The following ASAP1 variants were observed in gnomAD, a reference collection of about 807,000 sequenced individuals.
The protein encoded by ASAP1 is ArfGAP with SH3 domain, ankyrin repeat and PH domain 1, also known as arf-GAP with SH3 domain, ANK repeat and PH domain-containing protein 1.
ASAP1 carries 43 observed loss-of-function variants against 145.2 expected under a neutral mutation model. The observed-to-expected ratio is 0.30, with a 90% confidence interval of 0.23 to 0.38. The LOEUF is 0.38. Ranked by LOEUF, ASAP1 falls within the 10% of genes least tolerant of loss-of-function variation. The pLI, the probability that ASAP1 is intolerant of heterozygous loss-of-function variation, is 1.00. For synonymous variants in ASAP1, 546 were observed against 515.5 expected (o/e 1.06, Z -0.80); for missense variants, 1,018 against 1,355.3 (o/e 0.75, Z 3.91).
At chr8:130,232,637 C>A (rs1269645257) in intron 4 of ASAP1, among the ~76,000 whole-genome samples, 1 of 150,216 alleles carries the variant, frequency 6.7e-6, no homozygotes, top group African/African-American at 2.4e-5. Flanking sequence ...AAAAAAAAAC[C>A]AAAAAACCCT....
chr8:130,309,820 G>A (rs1187202207), intron 3 of ASAP1, among the ~76,000 whole-genome samples: 2 of 152,144 alleles, frequency 1.3e-5, no homozygotes, highest in Non-Finnish European at 2.9e-5. Context: ...ACTGCCAGGT[G>A]AACTCCCAAC....
At chr8:130,443,241 C>G (rs1830554406) in intron 1 of ASAP1, among the ~76,000 whole-genome samples, 1 of 151,940 alleles carries the variant, frequency 6.6e-6, no homozygotes, top group Non-Finnish European at 1.5e-5. Context: ...CGGCCTCGCC[C>G]GGCCCCGCAG....
At chr8:130,367,748 G>A (rs1458021762) in intron 2 of ASAP1, among the ~76,000 whole-genome samples, 2 of 152,182 alleles carry the variant, frequency 1.3e-5, no homozygotes, top group Non-Finnish European at 2.9e-5. Flanking sequence ...AAAACGCTAA[G>A]AACTGTCTGG....
chr8:130,422,445 G>A (rs1829758171), intron 1 of ASAP1, among the ~76,000 whole-genome samples: 2 of 152,128 alleles, frequency 1.3e-5, no homozygotes, highest in Middle Eastern at 3.2e-3. Flanking sequence ...GATCACCCAC[G>A]CTTCCTGGCT....
intron 6 of ASAP1, 21 bp downstream of exon 6, chr8:130,188,088 A>T (rs1422454119): frequency 1.3e-6 from 2 of 1,576,852 alleles, no homozygotes; most frequent in Non-Finnish European, 1.7e-6. Flanking sequence ...TAAAGTGAAA[A>T]TCAAATTTCT....
At chr8:130,209,795 C>T (rs112274083) in intron 5 of ASAP1, among the ~76,000 whole-genome samples, 3,057 of 151,058 alleles carry the variant, frequency 0.02, 99 homozygotes, top group African/African-American at 0.069. Context: ...AGTGGAACAC[C>T]TTTTTTTTTG....
chr8:130,341,038 TTAAA>T, intron 3 of ASAP1: 1 of 397,624 alleles, frequency 2.5e-6, no homozygotes. Context: ...TTAACCGACA[TTAAA>T]TGTGATACAG....
In ASAP1 at chr8:130,118,591, T is replaced by G; in HGVS notation, c.1692A>C (p.Leu564=). The G allele has an allele frequency of 6.2e-7, 1 of 1,614,102 alleles. No individual in the cohort carries two copies. Residue 564 remains leucine (L), a synonymous_variant, in exon 19 of 30, where the codon CTA becomes CTC. Coordinates refer to ENST00000518721, the MANE Select transcript of ASAP1 (RefSeq NM_018482.4). ...RKTCSTSSAK[L]NELLEAIKSR... is the part of the protein sequence containing the mutation. ...ATTTGATGGCCTCAAGCAATTCATT[T>G]AGTTTAGCTGATGAAGTTGAACAGG...
intron 2 of ASAP1, among the ~76,000 whole-genome samples, chr8:130,396,813 T>C (rs957613083): frequency 6.6e-6 from 1 of 152,174 alleles, no homozygotes; most frequent in African/African-American, 2.4e-5. Flanking sequence ...CTGCTTGACA[T>C]TTGGAAAGGC....
At chr8:130,267,126 A>AC (rs1309644412) in intron 3 of ASAP1, among the ~76,000 whole-genome samples, 2 of 150,838 alleles carry the variant, frequency 1.3e-5, no homozygotes, top group African/African-American at 4.8e-5. Context: ...AAACAAACAA[A>AC]AAAAAAACAA....
intron 3 of ASAP1, chr8:130,340,791 T>G (rs894320700): frequency 1.5e-5 from 6 of 402,414 alleles, no homozygotes; most frequent in African/African-American, 1.3e-4. Context: ...AGGATAAAAT[T>G]TACATAAAGA....
intron 3 of ASAP1, among the ~76,000 whole-genome samples, chr8:130,336,669 T>C (rs558144627): frequency 6.6e-6 from 1 of 152,310 alleles, no homozygotes; most frequent in Admixed American, 6.5e-5. Context: ...TCTTACAATC[T>C]GAGAGGAGCA....
intron 5 of ASAP1, among the ~76,000 whole-genome samples, chr8:130,200,564 G>A (rs931177046): frequency 6.6e-6 from 1 of 152,066 alleles, no homozygotes; most frequent in Non-Finnish European, 1.5e-5. Context: ...AAAATTATAT[G>A]ACTTTAAAAA....
chr8:130,264,840 C>T (rs1350365525), intron 3 of ASAP1, among the ~76,000 whole-genome samples: 2 of 152,054 alleles, frequency 1.3e-5, no homozygotes, highest in Non-Finnish European at 2.9e-5. Context: ...GTTCCAGAAG[C>T]CCTACTTGGG....
At chr8:130,178,305 CT>C (rs1565055274) in intron 9 of ASAP1, among the ~76,000 whole-genome samples, 2 of 152,006 alleles carry the variant, frequency 1.3e-5, no homozygotes, top group African/African-American at 4.8e-5. Context: ...CTAATACAGA[CT>C]TTACTTTTCT....
At chr8:130,070,162 G>A (rs1294327427) in intron 27 of ASAP1, among the ~76,000 whole-genome samples, 1 of 151,868 alleles carries the variant, frequency 6.6e-6, no homozygotes, top group African/African-American at 2.4e-5. Context: ...TCAGCCTCCT[G>A]AGTAGCTGGG....
chr8:130,061,494 T>C (rs1437831666), intron 27 of ASAP1, among the ~76,000 whole-genome samples: 2 of 152,242 alleles, frequency 1.3e-5, no homozygotes, highest in African/African-American at 2.4e-5. Flanking sequence ...CAACAGTATT[T>C]GTCATGTTAT....
intron 1 of ASAP1, among the ~76,000 whole-genome samples, chr8:130,420,893 CAAA>C (rs76745841): frequency 3.2e-5 from 3 of 94,952 alleles, no homozygotes; most frequent in African/African-American, 3.8e-5. Flanking sequence ...AACTCCAACT[CAAA>C]AAAAAAAAAA....
chr8:130,260,410 T>C (rs1417654240), intron 3 of ASAP1, among the ~76,000 whole-genome samples: 1 of 152,204 alleles, frequency 6.6e-6, no homozygotes, highest in Non-Finnish European at 1.5e-5. Context: ...CAAAAGCTCA[T>C]CCCATCTTAC....
Sources: gnomAD v4.1 joint callset for allele counts (sites outside exome capture counted in the v4.1 genomes callset) on GRCh38, gnomAD v4.1.1 for gene constraint, MANE v1.5 for transcripts, NCBI Gene and HGNC (gene_info 2026-07-23, HGNC 2026-07-21) for gene names.